The following CADPS2 variants were observed in gnomAD, a reference collection of about 807,000 sequenced individuals.
CADPS2 encodes the protein calcium-dependent secretion activator 2.
Under a neutral mutation model 172.5 loss-of-function variants are expected in CADPS2, and 93 were observed. That is an observed-to-expected ratio of 0.54 (90% CI 0.46 to 0.64). The LOEUF is 0.64. Ranked by LOEUF, CADPS2 falls within the 30% of genes least tolerant of loss-of-function variation. The pLI is 0.00. For synonymous variants in CADPS2, 546 were observed against 555.2 expected, an observed-to-expected ratio of 0.98 and a Z score of 0.23; for missense variants, 1,420 against 1,565.9, an observed-to-expected ratio of 0.91 and a Z score of 1.57.
chr7:122,756,528 T>G (rs1170165298), intron 1 of CADPS2, among the ~76,000 whole-genome samples: 2 of 152,162 alleles, frequency 1.3e-5, no homozygotes, highest in Non-Finnish European at 1.5e-5. Flanking sequence ...AATGTACCCT[T>G]GATATATAAT....
intron 14 of CADPS2, among the ~76,000 whole-genome samples, chr7:122,455,952 C>T (rs1456815946): frequency 1.3e-5 from 2 of 152,154 alleles, no homozygotes; most frequent in African/African-American, 4.8e-5. Context: ...ATCCACCCTC[C>T]TCAGCCTCCC....
chr7:122,386,650 C>G (rs1019329076), intron 24 of CADPS2, among the ~76,000 whole-genome samples: 1 of 152,052 alleles, frequency 6.6e-6, no homozygotes. Context: ...CTATTTCACA[C>G]TTTTTCGTGT....
chr7:122,754,760 C>A (rs1188204308), intron 1 of CADPS2, among the ~76,000 whole-genome samples: 4 of 152,210 alleles, frequency 2.6e-5, no homozygotes, highest in Non-Finnish European at 4.4e-5. Flanking sequence ...CTGGCATAAG[C>A]CACCACACCC....
intron 6 of CADPS2, among the ~76,000 whole-genome samples, chr7:122,583,610 T>C (rs1483887812): frequency 6.6e-6 from 1 of 150,964 alleles, no homozygotes; most frequent in Non-Finnish European, 1.5e-5. Context: ...AATATATGCA[T>C]ATGATATATA....
chr7:122,804,064 T>C (rs906293258), intron 1 of CADPS2, among the ~76,000 whole-genome samples: 2 of 151,138 alleles, frequency 1.3e-5, no homozygotes, highest in East Asian at 1.9e-4. Context: ...TTCACTGTGG[T>C]CACTCATTCC....
chr7:122,421,779 A>G (rs2048556819), intron 17 of CADPS2, among the ~76,000 whole-genome samples: 1 of 152,246 alleles, frequency 6.6e-6, no homozygotes, highest in Non-Finnish European at 1.5e-5. Flanking sequence ...AGTATGTAAG[A>G]ACAGGGTTAT....
intron 25 of CADPS2, among the ~76,000 whole-genome samples, chr7:122,363,045 A>C (rs1430308613): frequency 6.7e-6 from 1 of 149,028 alleles, no homozygotes; most frequent in East Asian, 1.9e-4. Flanking sequence ...ATCCACCCAC[A>C]AAATTGCGAA....
chr7:122,820,328 TTTC>T (rs1802770123), intron 1 of CADPS2, among the ~76,000 whole-genome samples: 1 of 151,982 alleles, frequency 6.6e-6, no homozygotes, highest in African/African-American at 2.4e-5. Context: ...CAAGCCCAAA[TTTC>T]TTCCTCATCT....
intron 3 of CADPS2, among the ~76,000 whole-genome samples, chr7:122,646,647 A>C (rs1424153229): frequency 6.6e-6 from 1 of 152,176 alleles, no homozygotes; most frequent in Non-Finnish European, 1.5e-5. Context: ...TTACATGAGA[A>C]GGAACAGTTG....
chr7:122,463,985 CA>C (rs1451240609), intron 14 of CADPS2, among the ~76,000 whole-genome samples: 2 of 152,118 alleles, frequency 1.3e-5, no homozygotes, highest in East Asian at 3.9e-4. Context: ...TAGCTCTGTC[CA>C]ACTGAGAGGG....
intron 17 of CADPS2, among the ~76,000 whole-genome samples, chr7:122,435,597 T>A (rs905999954): frequency 6.6e-6 from 1 of 152,140 alleles, no homozygotes; most frequent in East Asian, 1.9e-4. Context: ...GCAGCCACTA[T>A]GAAAAATAGT....
chr7:122,410,612 A>G (rs923916068), intron 19 of CADPS2, among the ~76,000 whole-genome samples: 1 of 152,186 alleles, frequency 6.6e-6, no homozygotes, highest in African/African-American at 2.4e-5. Flanking sequence ...GCAAATAGGC[A>G]ATAACAATAC....
At chr7:122,379,220 G>T in intron 25 of CADPS2, 148 bp downstream of exon 25, 1 of 511,020 alleles carries the variant, frequency 2.0e-6, no homozygotes, top group Non-Finnish European at 3.4e-6. Flanking sequence ...ACCTTTTTTT[G>T]CTCCCAACTT....
intron 1 of CADPS2, among the ~76,000 whole-genome samples, chr7:122,786,029 G>A (rs1793962857): frequency 6.6e-6 from 1 of 152,142 alleles, no homozygotes. Context: ...ACTTCTAGAA[G>A]GGATAATATG....
At chr7:122,742,843 A>G (rs2092557609) in intron 1 of CADPS2, among the ~76,000 whole-genome samples, 1 of 152,292 alleles carries the variant, frequency 6.6e-6, no homozygotes, top group African/African-American at 2.4e-5. Flanking sequence ...TCACTAACAT[A>G]ATAACATATT....
At position 122,719,163 on chromosome 7, in the gene CADPS2, G is replaced by A. The variant is rs545543562; in HGVS notation, c.453+17792C>T. The stretch of plus-strand genomic sequence containing the variant: ...GGGAGCCATGGGCATCAGTCACTGA[G>A]AGGGCCCTGAGGGGTGGGACAGCTT... On this transcript the variant is annotated intron_variant, in intron 2 of 29. Coordinates refer to ENST00000449022, the MANE Select transcript of CADPS2 (RefSeq NM_017954.11). Among the ~76,000 whole-genome samples, 282 of 152,098 alleles carry A rather than the reference G, an allele frequency of 1.9e-3. 1 individual carries two copies. The highest frequency in any genetic ancestry group is 3.1e-3 in the Non-Finnish European group (214 of 67,982).
At chr7:122,499,569 C>A (rs1253924402) in intron 9 of CADPS2, among the ~76,000 whole-genome samples, 1 of 152,096 alleles carries the variant, frequency 6.6e-6, no homozygotes, top group Non-Finnish European at 1.5e-5. Context: ...CAATTTAAAT[C>A]TTTTGATCAA....
chr7:122,708,405 T>G (rs921904415), intron 2 of CADPS2, among the ~76,000 whole-genome samples: 36 of 149,910 alleles, frequency 2.4e-4, no homozygotes, highest in African/African-American at 8.6e-4. Flanking sequence ...CATAATGAGT[T>G]CAACTGATTC....
intron 20 of CADPS2, among the ~76,000 whole-genome samples, chr7:122,406,862 G>C (rs1282635124): frequency 1.3e-5 from 2 of 152,120 alleles, no homozygotes; most frequent in Non-Finnish European, 2.9e-5. Flanking sequence ...AACCAAACTT[G>C]AGACTAAATG....
Sources: allele counts gnomAD v4.1 joint callset (sites outside exome capture counted in the v4.1 genomes callset), GRCh38; gene constraint gnomAD v4.1.1; transcripts MANE v1.5; gene names NCBI Gene and HGNC (gene_info 2026-07-23, HGNC 2026-07-21).